The following SCAI variants were observed in gnomAD, a reference collection of about 807,000 sequenced individuals.
SCAI encodes the protein protein SCAI.
Under a neutral mutation model 92.2 loss-of-function variants are expected in SCAI, and 24 were observed. The ratio of observed to expected loss-of-function variants is 0.26; its 90% CI spans 0.19 to 0.37. SCAI has a LOEUF of 0.37. Among genes scored for constraint, SCAI ranks in the 10% least tolerant of loss-of-function variants. The probability of loss-of-function intolerance (pLI) is 1.00; values close to 1 mark genes in which losing one functional copy is unlikely to be tolerated. For synonymous variants in SCAI, 261 were observed against 258.6 expected (o/e 1.01, Z -0.09); for missense variants, 450 against 736.2 (o/e 0.61, Z 4.50).
At position 125,000,025 on chromosome 9, in the gene SCAI, T is replaced by C. The variant is rs752138806; in HGVS notation, c.1145-35A>G. 23 of 983,132 alleles carry C rather than the reference T, an allele frequency of 2.3e-5. No individual in the cohort carries two copies. The East Asian group carries it at 2.8e-4, about 12-fold the overall frequency. 60.9% of individuals were successfully genotyped at this position (983,132 alleles called of 1,614,324 possible). On this transcript the variant is annotated intron_variant, in intron 12 of 17. Coordinates refer to ENST00000336505, the MANE Select transcript of SCAI (RefSeq NM_001144877.3). The stretch of plus-strand genomic sequence containing the variant: ...CAAAGGGAAGAATCCTAGACTTCAG[T>C]TGAAGACTAACACTGACCTGATGTT...
chr9:125,107,976 C>T (rs538522799), intron 2 of SCAI, among the ~76,000 whole-genome samples: 23 of 152,162 alleles, frequency 1.5e-4, no homozygotes, highest in East Asian at 5.8e-4. Flanking sequence ...CGATTGCAGG[C>T]GCGCGCCGCC....
At chr9:124,999,168 C>T (rs1832306469) in intron 13 of SCAI, among the ~76,000 whole-genome samples, 1 of 151,814 alleles carries the variant, frequency 6.6e-6, no homozygotes, top group Non-Finnish European at 1.5e-5. Flanking sequence ...GCAGGTGGAT[C>T]ACAAGGTCAG....
chr9:124,973,695 C>T (rs1402213411), intron 15 of SCAI, among the ~76,000 whole-genome samples: 1 of 152,074 alleles, frequency 6.6e-6, no homozygotes, highest in South Asian at 2.1e-4. Flanking sequence ...GGAGTGGTGG[C>T]GAGCGCCTGT....
At chr9:125,055,617 G>A (rs1272657644) in intron 3 of SCAI, among the ~76,000 whole-genome samples, 2 of 152,078 alleles carry the variant, frequency 1.3e-5, no homozygotes, top group African/African-American at 4.8e-5. Flanking sequence ...AATCAGATCT[G>A]GTGTGAGTTA....
intron 9 of SCAI, chr9:125,003,809 A>C (rs1194272322): frequency 2.2e-6 from 1 of 463,680 alleles, no homozygotes; most frequent in African/African-American, 2.0e-5. Context: ...TTGCTTTTTC[A>C]CATACCTCTC....
chr9:125,141,551 CTTTG>C (rs1835666013), intron 2 of SCAI, among the ~76,000 whole-genome samples: 1 of 152,346 alleles, frequency 6.6e-6, no homozygotes, highest in African/African-American at 2.4e-5. Context: ...GACTAATTCA[CTTTG>C]TTTGTGGACT....
At chr9:125,142,308 T>C (rs1183038710) in intron 2 of SCAI, 2 of 201,818 alleles carry the variant, frequency 9.9e-6, no homozygotes, top group Non-Finnish European at 2.0e-5. Context: ...AAGATGAGCT[T>C]TTTAAACAGA....
At chr9:125,142,513 T>G (rs1024950455) in intron 2 of SCAI, 120 bp downstream of exon 2, 1 of 738,816 alleles carries the variant, frequency 1.4e-6, no homozygotes, top group Non-Finnish European at 2.3e-6. Context: ...GGTTATATTC[T>G]TTTAAAAGGG....
chr9:125,131,311 G>A lies in SCAI; in HGVS notation c.98+11322C>T, dbSNP rs909868380. Among the ~76,000 whole-genome samples, 68 of 151,594 alleles carry A rather than the reference G, an allele frequency of 4.5e-4. 2 individuals are homozygous for A. Among genetic ancestry groups the A allele is most frequent in the Non-Finnish European group, 1.5e-4 (10 of 67,936 alleles). On this transcript the variant is annotated intron_variant, in intron 2 of 17. Transcript: ENST00000336505. Reference sequence around the variant, plus strand: ...TAATCCCAGCTACTTGGGAGGCTGAGGAGGGAGAATCGCTGGAACCCGGGA... The same window carrying A: ...TAATCCCAGCTACTTGGGAGGCTGAAGAGGGAGAATCGCTGGAACCCGGGA...
chr9:125,124,049 A>C (rs1399461583), intron 2 of SCAI, among the ~76,000 whole-genome samples: 3 of 152,224 alleles, frequency 2.0e-5, no homozygotes, highest in South Asian at 4.1e-4. Flanking sequence ...ATGAAAACCC[A>C]AGCACCTCTC....
chr9:125,018,543 AAAT>A (rs1237444124), intron 9 of SCAI, among the ~76,000 whole-genome samples: 1 of 152,190 alleles, frequency 6.6e-6, no homozygotes, highest in Non-Finnish European at 1.5e-5. Context: ...AACATATATG[AAAT>A]AATTCTGCTT....
intron 3 of SCAI, among the ~76,000 whole-genome samples, chr9:125,048,815 G>A (rs761768302): frequency 5.9e-5 from 9 of 151,834 alleles, no homozygotes; most frequent in South Asian, 2.1e-4. Flanking sequence ...GCGTGATCTC[G>A]GCTCACCACA....
At chr9:125,099,373 C>T (rs59459986) in intron 2 of SCAI, among the ~76,000 whole-genome samples, 4 of 152,040 alleles carry the variant, frequency 2.6e-5, no homozygotes, top group East Asian at 1.9e-4. Flanking sequence ...CTGCAACCTC[C>T]GCCTCTGGGT....
chr9:125,117,253 A>G (rs1835063641), intron 2 of SCAI, among the ~76,000 whole-genome samples: 1 of 152,222 alleles, frequency 6.6e-6, no homozygotes, highest in Admixed American at 6.5e-5. Context: ...TTTCATTCTT[A>G]TTAGTCTTAT....
chr9:125,121,957 T>C (rs1002650074), intron 2 of SCAI, among the ~76,000 whole-genome samples: 4 of 152,220 alleles, frequency 2.6e-5, no homozygotes, highest in African/African-American at 9.6e-5. Flanking sequence ...ATGACAGAAG[T>C]ATCACAATTT....
At chr9:125,052,343 G>A (rs1034825480) in intron 3 of SCAI, among the ~76,000 whole-genome samples, 1 of 152,178 alleles carries the variant, frequency 6.6e-6, no homozygotes, top group African/African-American at 2.4e-5. Flanking sequence ...GGTCGAGGCG[G>A]GTGGATCACC....
intron 2 of SCAI, among the ~76,000 whole-genome samples, chr9:125,134,184 T>C (rs1835465113): frequency 6.6e-6 from 1 of 152,140 alleles, no homozygotes; most frequent in Non-Finnish European, 1.5e-5. Flanking sequence ...ACCAACAAAT[T>C]AACCTTCTAA....
chr9:125,021,888 G>A (rs973781534), intron 6 of SCAI, among the ~76,000 whole-genome samples: 2 of 152,054 alleles, frequency 1.3e-5, no homozygotes, highest in African/African-American at 2.4e-5. Context: ...TGCAAATGCA[G>A]CTACTGATTT....
intron 17 of SCAI, among the ~76,000 whole-genome samples, chr9:124,954,007 C>G (rs1054852684): frequency 6.6e-6 from 1 of 152,154 alleles, no homozygotes; most frequent in African/African-American, 2.4e-5. Context: ...CACAACCATG[C>G]GCAGCTAATT....
Sources: gnomAD v4.1 joint callset for allele counts (sites outside exome capture counted in the v4.1 genomes callset) on GRCh38, gnomAD v4.1.1 for gene constraint, MANE v1.5 for transcripts, NCBI Gene and HGNC (gene_info 2026-07-23, HGNC 2026-07-21) for gene names.